The following DNM3 variants were observed in gnomAD, a reference collection of about 807,000 sequenced individuals.
DNM3 encodes the protein dynamin 3, also known as dynamin-3.
A neutral mutation model predicts 101.6 loss-of-function variants in DNM3; 47 were observed. That is an observed-to-expected ratio of 0.46 (90% CI 0.37 to 0.59). The LOEUF (loss-of-function observed/expected upper bound fraction) is 0.59. Ranked by LOEUF, DNM3 falls within the 20% of genes least tolerant of loss-of-function variation. The probability of loss-of-function intolerance (pLI) is 0.00; values close to 1 mark genes in which losing one functional copy is unlikely to be tolerated. For missense variants in DNM3, 849 were observed against 1,085.7 expected (o/e 0.78, Z 3.06); for synonymous variants, 385 against 387.9 (o/e 0.99, Z 0.09).
chr1:172,019,488 G>C (rs1389861077), intron 4 of DNM3, among the ~76,000 whole-genome samples: 1 of 150,826 alleles, frequency 6.6e-6, no homozygotes, highest in Admixed American at 6.6e-5. Flanking sequence ...CCCACTTGCT[G>C]TCGGAGCTTC....
At chr1:172,010,798 A>G (rs1209651443) in intron 4 of DNM3, among the ~76,000 whole-genome samples, 4 of 144,896 alleles carry the variant, frequency 2.8e-5, no homozygotes, top group Non-Finnish European at 3.0e-5. Flanking sequence ...CATTCCTTTT[A>G]TTTACTCATG....
At chr1:172,303,054 C>T (rs551465820) in intron 15 of DNM3, among the ~76,000 whole-genome samples, 5 of 152,120 alleles carry the variant, frequency 3.3e-5, no homozygotes, top group Admixed American at 3.3e-4. Context: ...AGAAGTAGGC[C>T]TCAGAAGGTC....
At chr1:172,273,847 C>T (rs2063176263) in intron 15 of DNM3, among the ~76,000 whole-genome samples, 2 of 151,928 alleles carry the variant, frequency 1.3e-5, no homozygotes, top group South Asian at 4.1e-4. Flanking sequence ...TCCTGTGTAC[C>T]CCAGTAGTCC....
At chr1:172,250,139 T>C (rs2062112407) in intron 14 of DNM3, among the ~76,000 whole-genome samples, 1 of 152,210 alleles carries the variant, frequency 6.6e-6, no homozygotes, top group South Asian at 2.1e-4. Context: ...AAATAATACC[T>C]ATTATATTAA....
chr1:172,088,303 T>C (rs2053671078), intron 12 of DNM3, among the ~76,000 whole-genome samples: 1 of 152,224 alleles, frequency 6.6e-6, no homozygotes, highest in Non-Finnish European at 1.5e-5. Context: ...TCAGGCATGA[T>C]GCTTGATTGG....
At chr1:172,009,969 C>G (rs2047002982) in intron 4 of DNM3, among the ~76,000 whole-genome samples, 1 of 151,736 alleles carries the variant, frequency 6.6e-6, no homozygotes, top group African/African-American at 2.4e-5. Context: ...AATTTATTCA[C>G]TTCTTCCTTC....
chr1:172,034,852 T>C (rs1048000895), intron 6 of DNM3, among the ~76,000 whole-genome samples: 7 of 151,954 alleles, frequency 4.6e-5, no homozygotes, highest in Non-Finnish European at 1.0e-4. Context: ...ATATTGGAGA[T>C]GTAGGCAGTG....
At chr1:172,222,619 T>A (rs911836102) in intron 14 of DNM3, among the ~76,000 whole-genome samples, 18 of 152,050 alleles carry the variant, frequency 1.2e-4, no homozygotes, top group Admixed American at 1.2e-3. Flanking sequence ...GAAGAAAAAA[T>A]TGGATCCTGG....
At chr1:172,192,398 T>A (rs1250872332) in intron 14 of DNM3, among the ~76,000 whole-genome samples, 2 of 151,854 alleles carry the variant, frequency 1.3e-5, no homozygotes, top group East Asian at 3.9e-4. Flanking sequence ...TATTATACTT[T>A]AAGTTTTAGG....
intron 15 of DNM3, among the ~76,000 whole-genome samples, chr1:172,289,118 A>G (rs1284693982): frequency 3.3e-5 from 5 of 152,154 alleles, no homozygotes; most frequent in Non-Finnish European, 7.4e-5. Flanking sequence ...TTCAAAGGTG[A>G]AGTAAGCTTG....
chr1:172,251,828 T>C (rs2062181485), intron 14 of DNM3, among the ~76,000 whole-genome samples: 1 of 152,076 alleles, frequency 6.6e-6, no homozygotes, highest in African/African-American at 2.4e-5. Flanking sequence ...CTGAAAAACA[T>C]TCAATAAAAA....
At chr1:172,082,966 C>T (rs1401035978) in intron 12 of DNM3, among the ~76,000 whole-genome samples, 1 of 152,226 alleles carries the variant, frequency 6.6e-6, no homozygotes, top group African/African-American at 2.4e-5. Context: ...CATTTTCTGT[C>T]TGTGGCATAC....
At chr1:172,185,664 T>C (rs1483089689) in intron 14 of DNM3, among the ~76,000 whole-genome samples, 1 of 152,276 alleles carries the variant, frequency 6.6e-6, no homozygotes, top group East Asian at 1.9e-4. Flanking sequence ...TTCTAGACTT[T>C]GGTAATTGTT....
intron 1 of DNM3, among the ~76,000 whole-genome samples, chr1:171,918,816 A>G (rs2039928599): frequency 6.6e-6 from 1 of 152,148 alleles, no homozygotes; most frequent in African/African-American, 2.4e-5. Flanking sequence ...ACACATAATT[A>G]TTTGCTATTT....
intron 4 of DNM3, among the ~76,000 whole-genome samples, chr1:172,013,991 C>T (rs757785606): frequency 6.6e-6 from 1 of 152,084 alleles, no homozygotes; most frequent in Non-Finnish European, 1.5e-5. Flanking sequence ...ATAACCTCAT[C>T]CCCACCGTGT....
At position 172,223,181 on chromosome 1, in the gene DNM3, G is replaced by C. The variant is rs145156517; in HGVS notation, c.1660-30392G>C. 1.9e-3 allele frequency among the ~76,000 whole-genome samples: 282 copies of C among 151,440 alleles called. 1 individual carries two copies. The highest frequency in any genetic ancestry group is 6.7e-3 in the African/African-American group (275 of 41,288). ...TAGAGCACCAAAACTTATTCCTCCT[G>C]TCTAACTGTAACTTTGTATCTGTTG... On this transcript the variant is annotated intron_variant, in intron 14 of 20. Coordinates refer to ENST00000627582, the MANE Select transcript of DNM3 (RefSeq NM_015569.5).
At chr1:171,966,632 C>T (rs2043606451) in intron 2 of DNM3, among the ~76,000 whole-genome samples, 1 of 152,130 alleles carries the variant, frequency 6.6e-6, no homozygotes, top group Non-Finnish European at 1.5e-5. Context: ...AGTTGTATTA[C>T]ACAATAGAGT....
At chr1:172,057,766 C>A (rs1396845758) in intron 10 of DNM3, among the ~76,000 whole-genome samples, 5 of 151,760 alleles carry the variant, frequency 3.3e-5, no homozygotes, top group Non-Finnish European at 7.4e-5. Context: ...ACCATCAAGA[C>A]TGGGAAGAAA....
At chr1:172,260,649 G>A (rs12567175) in intron 15 of DNM3, among the ~76,000 whole-genome samples, 25,922 of 151,836 alleles carry the variant, frequency 0.17, 2,471 homozygotes, top group East Asian at 0.24. Flanking sequence ...CAATGAATTC[G>A]TCAGTTCCAA....
Sources: gnomAD v4.1 joint callset for allele counts (sites outside exome capture counted in the v4.1 genomes callset) on GRCh38, gnomAD v4.1.1 for gene constraint, MANE v1.5 for transcripts, NCBI Gene and HGNC (gene_info 2026-07-23, HGNC 2026-07-21) for gene names.